The following ZSCAN5A variants were observed in gnomAD, a reference collection of about 807,000 sequenced individuals.
The protein encoded by ZSCAN5A is zinc finger and SCAN domain-containing protein 5A.
A neutral mutation model predicts 23.7 loss-of-function variants in ZSCAN5A; 12 were observed. The ratio of observed to expected loss-of-function variants is 0.51; its 90% CI spans 0.32 to 0.82. The LOEUF (loss-of-function observed/expected upper bound fraction) is 0.82, where lower values mean the gene tolerates loss of function less well. Among genes scored for constraint, ZSCAN5A ranks in the 40% least tolerant of loss-of-function variants. The pLI, the probability that ZSCAN5A is intolerant of heterozygous loss-of-function variation, is 0.03. For synonymous variants in ZSCAN5A, 257 were observed against 239.9 expected (o/e 1.07, Z -0.66); for missense variants, 597 against 617.9 (o/e 0.97, Z 0.36).
chr19:56,225,157 A>C lies in ZSCAN5A; in HGVS notation c.-111T>G, dbSNP rs2146414437. Reference sequence around the variant, plus strand: ...TCTGGTTTTCCTCAGTAATAGATTCACTGTTCATTCAGAAGTCTGGGGGGG... The same window carrying C: ...TCTGGTTTTCCTCAGTAATAGATTCCCTGTTCATTCAGAAGTCTGGGGGGG... On this transcript the variant is annotated 5_prime_UTR_variant, in exon 3 of 6. Transcript: ENST00000683990. 16 of 1,466,910 alleles carry C rather than the reference A, an allele frequency of 1.1e-5. No homozygotes were observed. The highest frequency in any genetic ancestry group is 2.3e-4 in the Middle Eastern group (1 of 4,436). The allele number at this position is 1,466,910 out of a possible 1,614,324, so 90.9% of individuals were successfully genotyped here.
chr19:56,329,435 C>T (rs933688910), intron 2 of ZSCAN5A, among the ~76,000 whole-genome samples: 3 of 151,722 alleles, frequency 2.0e-5, no homozygotes, highest in African/African-American at 7.3e-5. Flanking sequence ...TAGGATGAAG[C>T]AAAAGAAATG....
chr19:56,262,266 G>A (rs1278594027), intron 2 of ZSCAN5A, among the ~76,000 whole-genome samples: 1 of 151,798 alleles, frequency 6.6e-6, no homozygotes, highest in Non-Finnish European at 1.5e-5. Context: ...TGATCCACCC[G>A]CCTCAGCCTC....
intron 2 of ZSCAN5A, among the ~76,000 whole-genome samples, chr19:56,350,700 C>G (rs12982404): frequency 0.033 from 4,991 of 152,216 alleles, 262 homozygotes; most frequent in East Asian, 0.26. Flanking sequence ...AGGTGTCAAA[C>G]TCTACTGTCA....
intron 2 of ZSCAN5A, among the ~76,000 whole-genome samples, chr19:56,350,774 A>C (rs1000392732): frequency 6.6e-5 from 10 of 152,306 alleles, no homozygotes; most frequent in African/African-American, 2.2e-4. Flanking sequence ...CTAACCCTAC[A>C]TTTTAAATCT....
intron 2 of ZSCAN5A, among the ~76,000 whole-genome samples, chr19:56,226,030 T>G (rs2033899760): frequency 6.6e-6 from 1 of 152,144 alleles, no homozygotes; most frequent in Non-Finnish European, 1.5e-5. Context: ...CTAGCTTCAT[T>G]AGGCAGGAGC....
chr19:56,315,161 G>C (rs1402921630), upstream of ZSCAN5A: 3 of 152,270 alleles, frequency 2.0e-5, no homozygotes, highest in Admixed American at 2.0e-4. Context: ...TTGTTTTGCG[G>C]CCAGCGAGAC....
chr19:56,319,497 G>T (rs1211788517), upstream of ZSCAN5A, among the ~76,000 whole-genome samples: 1 of 49,408 alleles, frequency 2.0e-5, no homozygotes, highest in Non-Finnish European at 4.0e-5. Context: ...CTCCATCTCG[G>T]GAAAAAAAAA....
At chr19:56,365,434 C>A (rs779909679) in intron 1 of ZSCAN5A, among the ~76,000 whole-genome samples, 6 of 152,208 alleles carry the variant, frequency 3.9e-5, no homozygotes, top group Non-Finnish European at 5.9e-5. Context: ...TTTCCCTATA[C>A]AACATGGTTA....
chr19:56,259,694 C>T (rs1249063900), intron 2 of ZSCAN5A, among the ~76,000 whole-genome samples: 3 of 152,232 alleles, frequency 2.0e-5, no homozygotes, highest in Admixed American at 1.3e-4. Context: ...AAAAAGTTGA[C>T]CGGGCACGGT....
intron 2 of ZSCAN5A, among the ~76,000 whole-genome samples, chr19:56,261,461 C>T (rs990850178): frequency 3.3e-5 from 5 of 152,138 alleles, no homozygotes; most frequent in African/African-American, 9.7e-5. Context: ...CCAAGCATGG[C>T]CCCCACTGGT....
At chr19:56,305,639 T>C (rs2040635442) in intron 2 of ZSCAN5A, among the ~76,000 whole-genome samples, 1 of 152,188 alleles carries the variant, frequency 6.6e-6, no homozygotes, top group South Asian at 2.1e-4. Flanking sequence ...AACGACCCAC[T>C]GATGCATCCT....
intron 2 of ZSCAN5A, among the ~76,000 whole-genome samples, chr19:56,240,923 G>T (rs898883989): frequency 6.6e-6 from 1 of 152,066 alleles, no homozygotes; most frequent in African/African-American, 2.4e-5. Flanking sequence ...TGCACAGGCT[G>T]GTCTTGAACT....
chr19:56,303,968 C>A (rs1374629332), intron 2 of ZSCAN5A, among the ~76,000 whole-genome samples: 1 of 152,148 alleles, frequency 6.6e-6, no homozygotes, highest in Non-Finnish European at 1.5e-5. Flanking sequence ...TCTATGTGAC[C>A]TGAGAGGGGC....
At chr19:56,236,639 G>A (rs1237710047) in intron 2 of ZSCAN5A, among the ~76,000 whole-genome samples, 2 of 65,770 alleles carry the variant, frequency 3.0e-5, no homozygotes, top group Admixed American at 1.5e-4. Flanking sequence ...TCTGATGGAC[G>A]GTGGGCCAAG....
At chr19:56,230,852 T>G (rs2146485197) in intron 2 of ZSCAN5A, among the ~76,000 whole-genome samples, 1 of 152,320 alleles carries the variant, frequency 6.6e-6, no homozygotes, top group East Asian at 1.9e-4. Context: ...TCAGAACATT[T>G]ACATTCCCCT....
At chr19:56,224,029 G>A (rs1034657196) in intron 3 of ZSCAN5A, among the ~76,000 whole-genome samples, 195 bp from the exon 4 acceptor site, 3 of 151,618 alleles carry the variant, frequency 2.0e-5, no homozygotes, top group Non-Finnish European at 4.4e-5. Flanking sequence ...ACCTGCCTGC[G>A]CCTGGAATAT....
chr19:56,265,168 T>C (rs2037386947), intron 2 of ZSCAN5A, among the ~76,000 whole-genome samples: 1 of 151,706 alleles, frequency 6.6e-6, no homozygotes, highest in South Asian at 2.1e-4. Flanking sequence ...GTATGTAATG[T>C]TGAGCCATGG....
At chr19:56,353,772 A>G (rs1484584367) in intron 2 of ZSCAN5A, among the ~76,000 whole-genome samples, 8 of 151,978 alleles carry the variant, frequency 5.3e-5, no homozygotes, top group Non-Finnish European at 1.0e-4. Context: ...ACAGAGCGAG[A>G]CTCTGTCTCA....
intron 2 of ZSCAN5A, among the ~76,000 whole-genome samples, chr19:56,260,945 T>C (rs1274982937): frequency 1.3e-5 from 2 of 152,146 alleles, no homozygotes; most frequent in African/African-American, 4.8e-5. Flanking sequence ...TGGTGGCTCA[T>C]GTCTGTAATC....
Sources: allele counts gnomAD v4.1 joint callset (sites outside exome capture counted in the v4.1 genomes callset), GRCh38; gene constraint gnomAD v4.1.1; transcripts MANE v1.5; gene names NCBI Gene and HGNC (gene_info 2026-07-23, HGNC 2026-07-21).